CNBD1: variants seen among roughly 807,000 people sequenced by gnomAD.
CNBD1 encodes the protein cyclic nucleotide binding domain containing 1.
Under a neutral mutation model 54.4 loss-of-function variants are expected in CNBD1, and 71 were observed. The observed-to-expected ratio is 1.30, with a 90% CI of 1.08 to 1.59. CNBD1 has a LOEUF of 1.59. Among genes scored for constraint, CNBD1 ranks in the 40% most tolerant of loss-of-function variants. The pLI, the probability that CNBD1 is intolerant of heterozygous loss-of-function variation, is 0.00. For synonymous variants in CNBD1, 182 were observed against 170.7 expected (o/e 1.07, Z -0.51); for missense variants, 659 against 518.0 (o/e 1.27, Z -2.64).
At chr8:87,127,771 G>C (rs1181002061) in intron 4 of CNBD1, among the ~76,000 whole-genome samples, 1 of 152,070 alleles carries the variant, frequency 6.6e-6, no homozygotes, top group African/African-American at 2.4e-5. Context: ...AAGTATTTCA[G>C]CTGTAGGTGA....
At chr8:87,228,552 C>G (rs984935679) in intron 5 of CNBD1, among the ~76,000 whole-genome samples, 1 of 150,420 alleles carries the variant, frequency 6.6e-6, no homozygotes, top group Admixed American at 6.6e-5. Context: ...TTAGGCTGCT[C>G]GGGGGTCAGG....
At chr8:87,361,001 T>A (rs1044210644) in intron 10 of CNBD1, among the ~76,000 whole-genome samples, 1 of 151,942 alleles carries the variant, frequency 6.6e-6, no homozygotes, top group Admixed American at 6.6e-5. Context: ...AATGATGAGA[T>A]AAGTTATAGC....
intron 10 of CNBD1, among the ~76,000 whole-genome samples, chr8:87,382,041 G>A (rs1324222985): frequency 6.6e-6 from 1 of 151,546 alleles, no homozygotes; most frequent in Non-Finnish European, 1.5e-5. Flanking sequence ...AAAATAAATA[G>A]AAGAGTGACT....
intron 8 of CNBD1, among the ~76,000 whole-genome samples, chr8:87,312,794 G>C (rs1022567910): frequency 2.6e-5 from 4 of 151,848 alleles, no homozygotes; most frequent in African/African-American, 9.7e-5. Context: ...CTAAAAACAA[G>C]AGAAATATTG....
intron 4 of CNBD1, among the ~76,000 whole-genome samples, chr8:87,055,811 C>A (rs982066142): frequency 6.7e-6 from 1 of 148,982 alleles, no homozygotes; most frequent in Non-Finnish European, 1.5e-5. Context: ...TTTCATCCAT[C>A]CCTTCCTTCC....
At chr8:87,310,761 G>T (rs990772394) in intron 8 of CNBD1, among the ~76,000 whole-genome samples, 1 of 152,094 alleles carries the variant, frequency 6.6e-6, no homozygotes, top group Non-Finnish European at 1.5e-5. Context: ...AACCAAAACA[G>T]CATGGAACTG....
intron 4 of CNBD1, among the ~76,000 whole-genome samples, chr8:87,048,676 C>G (rs1442313985): frequency 6.6e-6 from 1 of 152,040 alleles, no homozygotes; most frequent in Non-Finnish European, 1.5e-5. Context: ...CATGGAAATG[C>G]CTCCACCCAG....
chr8:87,317,717 G>C (rs78413050), intron 8 of CNBD1, among the ~76,000 whole-genome samples: 5,292 of 151,804 alleles, frequency 0.035, 298 homozygotes, highest in African/African-American at 0.12. Flanking sequence ...TGTGTATTCT[G>C]GTATATTGGA....
chr8:87,066,634 G>C (rs891291418), intron 4 of CNBD1, among the ~76,000 whole-genome samples: 2 of 151,790 alleles, frequency 1.3e-5, no homozygotes, highest in Admixed American at 6.6e-5. Flanking sequence ...ATAATTCAGT[G>C]TGCATCTTTA....
intron 10 of CNBD1, among the ~76,000 whole-genome samples, chr8:87,377,132 A>C (rs1810962729): frequency 8.6e-6 from 1 of 115,970 alleles, no homozygotes; most frequent in Non-Finnish European, 1.9e-5. Context: ...ATTTTATTTT[A>C]TTTATTTTTT....
intron 2 of CNBD1, among the ~76,000 whole-genome samples, chr8:87,396,382 T>A (rs961689752): frequency 6.6e-6 from 1 of 151,892 alleles, no homozygotes; most frequent in African/African-American, 2.4e-5. Flanking sequence ...AAATGTTACC[T>A]CCTGTCACTG....
At chr8:87,311,132 A>G (rs1471270753) in intron 8 of CNBD1, among the ~76,000 whole-genome samples, 1 of 152,146 alleles carries the variant, frequency 6.6e-6, no homozygotes, top group Non-Finnish European at 1.5e-5. Flanking sequence ...GCTTCTGCAC[A>G]ACAAAAGAAA....
chr8:87,097,783 G>T (rs887672655), intron 4 of CNBD1, among the ~76,000 whole-genome samples: 1 of 152,138 alleles, frequency 6.6e-6, no homozygotes, highest in African/African-American at 2.4e-5. Context: ...TAGTTTTTCA[G>T]ATTCCTGCAG....
At chr8:87,264,390 G>A (rs1193992826) in intron 6 of CNBD1, among the ~76,000 whole-genome samples, 1 of 152,038 alleles carries the variant, frequency 6.6e-6, no homozygotes, top group Non-Finnish European at 1.5e-5. Flanking sequence ...TCTTAATCCA[G>A]TCTATCATTG....
At chr8:87,144,467 A>G (rs1812440374) in intron 4 of CNBD1, among the ~76,000 whole-genome samples, 1 of 152,192 alleles carries the variant, frequency 6.6e-6, no homozygotes, top group Admixed American at 6.5e-5. Context: ...ATAAAAATAA[A>G]ATGGAACTGA....
At chr8:87,388,448 T>C (rs1374659743) in intron 2 of CNBD1, among the ~76,000 whole-genome samples, 8 of 152,038 alleles carry the variant, frequency 5.3e-5, no homozygotes, top group Non-Finnish European at 1.2e-4. Flanking sequence ...AAATACAAAC[T>C]ACCATCAGAG....
intron 8 of CNBD1, among the ~76,000 whole-genome samples, chr8:87,312,405 G>A (rs1351933538): frequency 1.3e-5 from 2 of 151,958 alleles, no homozygotes; most frequent in Non-Finnish European, 2.9e-5. Flanking sequence ...TGTGTCAGTG[G>A]CATTTCTATA....
chr8:86,995,497 C>A (rs1337196563), intron 4 of CNBD1, among the ~76,000 whole-genome samples: 1 of 152,134 alleles, frequency 6.6e-6, no homozygotes, highest in Non-Finnish European at 1.5e-5. Flanking sequence ...GCCTCTAATT[C>A]TGACTCAGGA....
chr8:87,130,709 A>G (rs1812100091), intron 4 of CNBD1, among the ~76,000 whole-genome samples: 2 of 151,624 alleles, frequency 1.3e-5, no homozygotes, highest in Non-Finnish European at 2.9e-5. Flanking sequence ...CCTGGGAGGC[A>G]GAGGTTGCAA....
Sources: allele counts gnomAD v4.1 joint callset (sites outside exome capture counted in the v4.1 genomes callset), GRCh38; gene constraint gnomAD v4.1.1; transcripts MANE v1.5; gene names NCBI Gene and HGNC (gene_info 2026-07-23, HGNC 2026-07-21).